GTPBP4: variants seen among roughly 807,000 people sequenced by gnomAD.
GTPBP4 encodes the protein GTP-binding protein 4.
A neutral mutation model predicts 81.7 loss-of-function variants in GTPBP4; 15 were observed. That is an observed-to-expected ratio of 0.18 (90% CI 0.12 to 0.28). GTPBP4 has a LOEUF of 0.28. GTPBP4 is among the 10% of genes least tolerant of loss of function. The pLI is 1.00. For missense variants in GTPBP4, 847 were observed against 793.8 expected, an observed-to-expected ratio of 1.07 and a Z score of -0.81; for synonymous variants, 272 against 274.6, an observed-to-expected ratio of 0.99 and a Z score of 0.09.
At position 992,565 on chromosome 10, in the gene GTPBP4, G is replaced by T. The variant is rs149570877; in HGVS notation, c.125G>T (p.Arg42Leu). The T allele has an allele frequency of 7.9e-5, 126 of 1,596,268 alleles. No individual in the cohort carries two copies. The African/African-American group carries it at 1.4e-3, about 17-fold the overall frequency. Residue 42 changes from arginine to leucine, a missense_variant, in exon 2 of 17, where the codon CGC becomes CTC. By Grantham distance (102) the Arg-to-Leu change is moderately radical (BLOSUM62 -2). This residue lies in a region of GTPBP4 where 241 missense variants were observed against 216.3 expected (regional missense o/e 1.11). Coordinates refer to ENST00000360803, the MANE Select transcript of GTPBP4 (RefSeq NM_012341.3). ...ATTCATAAACATTACCAAATACATC[G>T]CATTAGACATTTTTACATGAGAAAA... ...TVIHKHYQIH[R>L]IRHFYMRKVK...
intron 6 of GTPBP4, 27 bp downstream of exon 6, chr10:999,122 C>T (rs2132160730): frequency 7.9e-7 from 1 of 1,265,826 alleles, no homozygotes; most frequent in East Asian, 2.3e-5. Context: ...TATTTTTATT[C>T]ATTTATTTAT....
chr10:1,014,141 AT>A, intron 14 of GTPBP4, 105 bp from the exon 15 acceptor site: 1 of 645,742 alleles, frequency 1.5e-6, no homozygotes, highest in East Asian at 3.1e-5. Context: ...TAAAATAAGT[AT>A]ATTATAATTG....
chr10:996,073 A>T, intron 3 of GTPBP4, 33 bp from the exon 4 acceptor site: 1 of 1,440,362 alleles, frequency 6.9e-7, no homozygotes, highest in South Asian at 1.2e-5. Context: ...AGTTATCGAA[A>T]GTGGAAAAAA....
chr10:1,015,364 G>T (rs1034419628), intron 15 of GTPBP4, among the ~76,000 whole-genome samples: 1 of 140,122 alleles, frequency 7.1e-6, no homozygotes, highest in Non-Finnish European at 1.5e-5. Flanking sequence ...CCTGGGTGCG[G>T]GGCTGGGGTC....
At chr10:1,005,938 T>G (rs1404573395) in intron 9 of GTPBP4, 31 bp downstream of exon 9, 3 of 1,050,122 alleles carry the variant, frequency 2.9e-6, no homozygotes, top group Non-Finnish European at 4.3e-6. Flanking sequence ...GGTATTAGTC[T>G]TTTTACTGTC....
intron 15 of GTPBP4, among the ~76,000 whole-genome samples, chr10:1,014,987 TTC>T (rs1319058653): frequency 3.9e-5 from 6 of 152,198 alleles, no homozygotes; most frequent in Non-Finnish European, 5.9e-5. Flanking sequence ...GTCTGATGGT[TTC>T]TGTCTGATGG....
chr10:1,010,917 C>T (rs1414092105), intron 13 of GTPBP4, among the ~76,000 whole-genome samples: 1 of 150,664 alleles, frequency 6.6e-6, no homozygotes, highest in Admixed American at 6.6e-5. Context: ...CACCACCTTC[C>T]CCACCCCGAG....
chr10:1,006,227 G>A (rs192183478), intron 9 of GTPBP4, among the ~76,000 whole-genome samples: 60 of 152,364 alleles, frequency 3.9e-4, no homozygotes, highest in Admixed American at 6.5e-4. Context: ...GAACCTGTTC[G>A]AAGTAGAAGG....
At chr10:1,007,220 C>A in intron 10 of GTPBP4, 92 bp downstream of exon 10, 1 of 717,624 alleles carries the variant, frequency 1.4e-6, no homozygotes, top group South Asian at 1.5e-5. Context: ...TCCAGCTTCA[C>A]ACACTCGCAG....
intron 14 of GTPBP4, among the ~76,000 whole-genome samples, chr10:1,013,898 G>A (rs1039457578): frequency 6.6e-6 from 1 of 152,198 alleles, no homozygotes; most frequent in African/African-American, 2.4e-5. Flanking sequence ...TCTCTGGGAG[G>A]AGAGAGGTTG....
chr10:994,696 T>G (rs933618977), intron 2 of GTPBP4, among the ~76,000 whole-genome samples: 23 of 152,222 alleles, frequency 1.5e-4, no homozygotes, highest in South Asian at 2.1e-4. Flanking sequence ...TTTTTCATCC[T>G]CAGTGTTATA....
chr10:999,850 T>G (rs1293746240), intron 6 of GTPBP4, among the ~76,000 whole-genome samples: 2 of 152,136 alleles, frequency 1.3e-5, no homozygotes. Flanking sequence ...TCCCAGCTAC[T>G]TGGAAGGCTG....
intron 5 of GTPBP4, among the ~76,000 whole-genome samples, chr10:998,053 CAAG>C (rs1831563827): frequency 1.3e-5 from 2 of 152,094 alleles, no homozygotes; most frequent in African/African-American, 4.8e-5. Context: ...TACTCAGTGC[CAAG>C]ATCACTTTAT....
chr10:1,019,604 G>C lies in GTPBP4; in HGVS notation c.*2377G>C, dbSNP rs768103886. On this transcript the variant is annotated 3_prime_UTR_variant, in exon 17 of 17. Transcript: ENST00000360803. ...ACCGGTACAGAAACCTCTCGGCAAT[G>C]GTTCTTAGCCAGGGGGTGACTTTGA... 22 of 1,613,892 alleles carry C rather than the reference G, an allele frequency of 1.4e-5. No individual in the cohort carries two copies. In the South Asian group the frequency reaches 2.3e-4, roughly 17 times the overall value.
At position 1,012,233 on chromosome 10, in the gene GTPBP4, C is replaced by T. The variant is rs1021266420; in HGVS notation, c.1345-232C>T. Among the ~76,000 whole-genome samples the T allele has an allele frequency of 3.3e-5, 5 of 152,146 alleles. No individual in the cohort carries two copies. In the East Asian group the frequency reaches 9.6e-4, roughly 29 times the overall value. ...ATTGTTTTAAAAAAAGGAAATGGTGCACAGGGGTTACTGACTTGCTGGCGG... is the reference window on the plus strand; with the variant it reads ...ATTGTTTTAAAAAAAGGAAATGGTGTACAGGGGTTACTGACTTGCTGGCGG... On this transcript the variant is annotated intron_variant, in intron 13 of 16. Transcript: ENST00000360803.
At chr10:1,009,154 G>T in intron 11 of GTPBP4, 119 bp downstream of exon 11, 1 of 701,488 alleles carries the variant, frequency 1.4e-6, no homozygotes, top group South Asian at 1.7e-5. Flanking sequence ...GGCCCCGTCA[G>T]GCTGCGGACA....
In GTPBP4 at chr10:996,088, AT is replaced by A; in HGVS notation, c.324-12del. 6.3e-7 allele frequency: 1 copy of A among 1,583,988 alleles called. No individual in the cohort carries two copies. The highest frequency in any genetic ancestry group is 1.1e-5 in the South Asian group (1 of 88,818). ...AGTTATCGAAAGTGGAAAAAATAAT[AT>A]TTTTTATTTTTTACAGTGTTGCTAA... On this transcript the variant is annotated splice_polypyrimidine_tract_variant and intron_variant, in intron 3 of 16. Coordinates refer to ENST00000360803, the MANE Select transcript of GTPBP4 (RefSeq NM_012341.3).
At chr10:990,113 G>T (rs753595617) in intron 1 of GTPBP4, among the ~76,000 whole-genome samples, 3 of 152,202 alleles carry the variant, frequency 2.0e-5, no homozygotes, top group African/African-American at 7.2e-5. Flanking sequence ...TTTGTTGAAG[G>T]AATTTGCTCT....
At chr10:1,014,185 A>T in intron 14 of GTPBP4, 62 bp from the exon 15 acceptor site, 2 of 1,029,550 alleles carry the variant, frequency 1.9e-6, no homozygotes, top group Non-Finnish European at 3.1e-6. Context: ...TATTGCCTTG[A>T]AGTTTTTTTC....
Sources: gnomAD v4.1 joint callset for allele counts (sites outside exome capture counted in the v4.1 genomes callset) on GRCh38, gnomAD v4.1.1 for gene constraint, gnomAD v4.1.1 regional missense constraint, MANE v1.5 for transcripts, NCBI Gene and HGNC (gene_info 2026-07-23, HGNC 2026-07-21) for gene names.